The following VTI1A variants were observed in gnomAD, a reference collection of about 807,000 sequenced individuals.
VTI1A encodes the protein vesicle transport through interaction with t-SNAREs 1A.
VTI1A carries 22 observed loss-of-function variants against 34.9 expected under a neutral mutation model. The observed-to-expected ratio is 0.63, with a 90% CI of 0.45 to 0.90. The LOEUF (loss-of-function observed/expected upper bound fraction) is 0.90. VTI1A is among the 40% of genes least tolerant of loss of function. VTI1A has a pLI of 0.00. For synonymous variants in VTI1A, 87 were observed against 97.3 expected (o/e 0.89, Z 0.62); for missense variants, 268 against 275.6 (o/e 0.97, Z 0.20).
chr10:112,614,567 A>AGG (rs950427471), intron 5 of VTI1A, among the ~76,000 whole-genome samples: 1 of 152,182 alleles, frequency 6.6e-6, no homozygotes, highest in Non-Finnish European at 1.5e-5. Flanking sequence ...GAAGCTTTGA[A>AGG]GGGGGTTTGT....
intron 7 of VTI1A, among the ~76,000 whole-genome samples, chr10:112,693,270 G>A (rs951088884): frequency 3.3e-5 from 5 of 152,152 alleles, no homozygotes; most frequent in Non-Finnish European, 5.9e-5. Context: ...TAACTGGCGG[G>A]GCGTGATGGC....
chr10:112,698,652 TCTG>T (rs1487852440), intron 7 of VTI1A, among the ~76,000 whole-genome samples: 1 of 152,226 alleles, frequency 6.6e-6, no homozygotes, highest in Non-Finnish European at 1.5e-5. Flanking sequence ...TTAACACCCT[TCTG>T]CTCACACATG....
chr10:112,593,164 C>T (rs1844459851), intron 5 of VTI1A, among the ~76,000 whole-genome samples: 1 of 152,218 alleles, frequency 6.6e-6, no homozygotes, highest in Non-Finnish European at 1.5e-5. Context: ...CAGTAGTTTT[C>T]AACCCTCGCT....
Position 112,668,229 on chromosome 10 carries a change from C to A in VTI1A, c.439C>A (p.Gln147Lys). ...TTTCTTTTCCGTAGAGCAAATTGGTCAGGAGATGTTGGAAAACCTTAGTCA... is the reference window on the plus strand; with the variant it reads ...TTTCTTTTCCGTAGAGCAAATTGGTAAGGAGATGTTGGAAAACCTTAGTCA... ...QIAVETEQIG[Q>K]EMLENLSHDR... The change falls in exon 6 of 8, where the codon CAG becomes AAG. Residue 147 changes from glutamine to lysine, a missense_variant. Coordinates refer to ENST00000393077, the MANE Select transcript of VTI1A (RefSeq NM_145206.4). 1 of 1,612,418 alleles carries A rather than the reference C, an allele frequency of 6.2e-7. No homozygotes were observed. Among genetic ancestry groups the A allele is most frequent in the South Asian group, 1.1e-5 (1 of 90,930 alleles).
rs148111595 is a variant in VTI1A at position 112,665,577 on chromosome 10, T to C, written c.428-2641T>C. On this transcript the variant is annotated intron_variant, in intron 5 of 7. Coordinates refer to ENST00000393077, the MANE Select transcript of VTI1A (RefSeq NM_145206.4). Reference sequence around the variant, plus strand: ...GCTATGTCTAGGGAGGCAAGGAGATTGTGGGAGTGGTTTATAACTCCTGAA... The same window carrying C: ...GCTATGTCTAGGGAGGCAAGGAGATCGTGGGAGTGGTTTATAACTCCTGAA... 4.2e-3 allele frequency among the ~76,000 whole-genome samples: 638 copies of C among 152,224 alleles called. 5 individuals are homozygous for C. The highest frequency in any genetic ancestry group is 6.8e-3 in the Non-Finnish European group (464 of 68,002).
intron 3 of VTI1A, among the ~76,000 whole-genome samples, chr10:112,509,012 G>A (rs1345094628): frequency 1.3e-5 from 2 of 152,160 alleles, no homozygotes; most frequent in African/African-American, 2.4e-5. Flanking sequence ...GTCAGGAGAG[G>A]TTGGGTCATA....
chr10:112,756,041 A>G (rs1851272301), intron 7 of VTI1A, among the ~76,000 whole-genome samples: 1 of 152,162 alleles, frequency 6.6e-6, no homozygotes, highest in South Asian at 2.1e-4. Flanking sequence ...AGTAATTCCC[A>G]GAAAGGAAAA....
chr10:112,577,729 G>A (rs1028037778), intron 5 of VTI1A, among the ~76,000 whole-genome samples: 11 of 152,188 alleles, frequency 7.2e-5, no homozygotes, highest in Admixed American at 7.2e-4. Flanking sequence ...AAAGGAACTG[G>A]GAGATGGACA....
chr10:112,493,954 C>T (rs576518205), intron 3 of VTI1A, among the ~76,000 whole-genome samples: 8 of 152,098 alleles, frequency 5.3e-5, no homozygotes, highest in Non-Finnish European at 1.2e-4. Context: ...ATTTGCATCA[C>T]GGTAATGCTA....
chr10:112,646,684 T>A (rs1017772547), intron 5 of VTI1A, among the ~76,000 whole-genome samples: 2 of 152,076 alleles, frequency 1.3e-5, no homozygotes, highest in Non-Finnish European at 2.9e-5. Context: ...AATTTTTTTG[T>A]ATTTTTAGTA....
At chr10:112,722,332 G>A (rs1849839942) in intron 7 of VTI1A, among the ~76,000 whole-genome samples, 1 of 151,986 alleles carries the variant, frequency 6.6e-6, no homozygotes, top group Non-Finnish European at 1.5e-5. Flanking sequence ...GACACAGGGT[G>A]AGGGACATCA....
intron 5 of VTI1A, among the ~76,000 whole-genome samples, chr10:112,596,677 T>C (rs566728447): frequency 1.5e-3 from 221 of 152,308 alleles, no homozygotes; most frequent in African/African-American, 5.1e-3. Flanking sequence ...AAACCTTCTC[T>C]CACATTGAGC....
chr10:112,810,185 C>G (rs532623719), intron 7 of VTI1A, among the ~76,000 whole-genome samples: 2 of 151,972 alleles, frequency 1.3e-5, no homozygotes, highest in African/African-American at 4.8e-5. Context: ...GGCAGATCAC[C>G]TGAGGTCAGA....
At chr10:112,481,595 T>C (rs1300849579) in intron 3 of VTI1A, among the ~76,000 whole-genome samples, 1 of 152,206 alleles carries the variant, frequency 6.6e-6, no homozygotes, top group Non-Finnish European at 1.5e-5. Flanking sequence ...ATATGTCCAT[T>C]TTTTTTCTTC....
Position 112,815,244 on chromosome 10 carries a change from C to G in VTI1A, c.561-46C>G, listed in dbSNP as rs537901923. The G allele has an allele frequency of 2.1e-5, 31 of 1,495,446 alleles. No homozygotes were observed. The East Asian group carries it at 6.7e-4, about 32-fold the overall frequency. The allele number at this position is 1,495,446 out of a possible 1,614,324, so 92.6% of individuals were successfully genotyped here. A position where few individuals can be genotyped will look rare whatever the true frequency, so the allele number is the denominator to read the frequency against. ...GCCTCGGACGGCGTTTGTGGGAAGG[C>G]CTTCCACTTATCTGTGTGTGTTTTT... On this transcript the variant is annotated intron_variant, in intron 7 of 7. Transcript: ENST00000393077.
intron 5 of VTI1A, among the ~76,000 whole-genome samples, chr10:112,582,400 A>G (rs11196003): frequency 0.3 from 44,920 of 151,990 alleles, 6,773 homozygotes; most frequent in Middle Eastern, 0.36. Context: ...CCCCAAATAT[A>G]TGTTCTCCTC....
chr10:112,626,744 G>C (rs916197671), intron 5 of VTI1A, among the ~76,000 whole-genome samples: 10 of 152,138 alleles, frequency 6.6e-5, no homozygotes, highest in African/African-American at 2.2e-4. Context: ...CTGCTCTTCA[G>C]GTACATTGGG....
intron 7 of VTI1A, among the ~76,000 whole-genome samples, chr10:112,679,801 A>G (rs1019980659): frequency 7.3e-5 from 11 of 151,038 alleles, no homozygotes; most frequent in Admixed American, 7.3e-4. Flanking sequence ...TTTAATTCCC[A>G]AATCAGTTAA....
At chr10:112,626,122 C>A (rs1845915152) in intron 5 of VTI1A, among the ~76,000 whole-genome samples, 2 of 151,994 alleles carry the variant, frequency 1.3e-5, no homozygotes, top group South Asian at 4.2e-4. Context: ...TCATTCAGTT[C>A]TAGAATCAGT....
Sources: allele counts gnomAD v4.1 joint callset (sites outside exome capture counted in the v4.1 genomes callset), GRCh38; gene constraint gnomAD v4.1.1; transcripts MANE v1.5; gene names NCBI Gene and HGNC (gene_info 2026-07-23, HGNC 2026-07-21).